SPECC1L: variants seen among roughly 807,000 people sequenced by gnomAD.
SPECC1L encodes the protein cytospin-A.
Under a neutral mutation model 116.8 loss-of-function variants are expected in SPECC1L, and 40 were observed. That is an observed-to-expected ratio of 0.34 (90% CI 0.27 to 0.45). SPECC1L has a LOEUF of 0.45. SPECC1L is among the 20% of genes least tolerant of loss of function. The pLI, the probability that SPECC1L is intolerant of heterozygous loss-of-function variation, is 1.00. For missense variants in SPECC1L, 1,110 were observed against 1,373.6 expected, an observed-to-expected ratio of 0.81 and a Z score of 3.03; for synonymous variants, 504 against 500.6, an observed-to-expected ratio of 1.01 and a Z score of -0.09.
intron 14 of SPECC1L, among the ~76,000 whole-genome samples, chr22:24,398,777 T>C (rs956247363): frequency 3.9e-5 from 6 of 152,114 alleles, no homozygotes; most frequent in Admixed American, 6.6e-5. Flanking sequence ...CCTCAAACAA[T>C]CCAGTTCCCC....
chr22:24,387,921 C>T (rs2042190872), intron 14 of SPECC1L, among the ~76,000 whole-genome samples: 1 of 152,110 alleles, frequency 6.6e-6, no homozygotes, highest in South Asian at 2.1e-4. Context: ...TGTTTCATGG[C>T]TTGTAGCCCC....
At chr22:24,366,421 C>T (rs1284467533) in intron 13 of SPECC1L, among the ~76,000 whole-genome samples, 5 of 152,122 alleles carry the variant, frequency 3.3e-5, no homozygotes, top group African/African-American at 1.2e-4. Context: ...TCTCGATCTC[C>T]TGACCTCGTG....
At chr22:24,345,705 T>A (rs1251408068) in intron 10 of SPECC1L, among the ~76,000 whole-genome samples, 2 of 152,172 alleles carry the variant, frequency 1.3e-5, no homozygotes, top group African/African-American at 4.8e-5. Flanking sequence ...AAATCCACAA[T>A]GAGATCCTAT....
At chr22:24,289,060 A>C (rs777290692) in intron 2 of SPECC1L, among the ~76,000 whole-genome samples, 2 of 152,244 alleles carry the variant, frequency 1.3e-5, no homozygotes, top group Non-Finnish European at 1.5e-5. Flanking sequence ...TTTTGAATTA[A>C]AACTATGGCT....
rs370466403 is a variant in SPECC1L, at chr22:24,315,730, GATGTC to G, written c.307+2267_307+2271del. ...TGTACGTTTATTTTATTTTGCTGGG[GATGTC>G]ATAACAAAATACCACAGACTGGATG... On this transcript the variant is annotated intron_variant, in intron 4 of 16. Coordinates refer to ENST00000314328, the MANE Select transcript of SPECC1L (RefSeq NM_015330.6). Among the ~76,000 whole-genome samples, 65 of 152,326 alleles carry G rather than the reference GATGTC, an allele frequency of 4.3e-4. 1 individual carries two copies. In the East Asian group the frequency reaches 0.01, roughly 24 times the overall value.
At chr22:24,373,319 C>A (rs1433757289) in intron 14 of SPECC1L, among the ~76,000 whole-genome samples, 1 of 152,198 alleles carries the variant, frequency 6.6e-6, no homozygotes, top group Non-Finnish European at 1.5e-5. Flanking sequence ...ATTGCCAAGT[C>A]AATCCTAAGC....
At chr22:24,273,479 T>C (rs2048770211) in intron 1 of SPECC1L, among the ~76,000 whole-genome samples, 1 of 152,218 alleles carries the variant, frequency 6.6e-6, no homozygotes, top group Non-Finnish European at 1.5e-5. Flanking sequence ...TGATATATGG[T>C]AAACGTAAAT....
intron 1 of SPECC1L, among the ~76,000 whole-genome samples, chr22:24,272,050 G>A (rs1889545627): frequency 6.6e-6 from 1 of 152,146 alleles, no homozygotes; most frequent in African/African-American, 2.4e-5. Flanking sequence ...TGCCAATGTA[G>A]GTGATACCAA....
intron 6 of SPECC1L, among the ~76,000 whole-genome samples, chr22:24,325,836 T>A (rs1818927931): frequency 6.6e-6 from 1 of 152,198 alleles, no homozygotes; most frequent in South Asian, 2.1e-4. Flanking sequence ...GTGTGTATTA[T>A]GTTTAACAGT....
intron 11 of SPECC1L, among the ~76,000 whole-genome samples, chr22:24,359,996 G>C (rs932775147): frequency 1.4e-4 from 22 of 152,256 alleles, no homozygotes; most frequent in African/African-American, 4.6e-4. Context: ...ATGAGAGCAA[G>C]TTTCCTGTCT....
chr22:24,396,169 A>G (rs1036806602), intron 14 of SPECC1L, among the ~76,000 whole-genome samples: 2 of 152,234 alleles, frequency 1.3e-5, no homozygotes, highest in Admixed American at 6.5e-5. Context: ...TTTTCTTTCA[A>G]TGCTCTAAAC....
chr22:24,272,186 GC>G (rs1180650074), intron 1 of SPECC1L, among the ~76,000 whole-genome samples: 1 of 152,184 alleles, frequency 6.6e-6, no homozygotes, highest in Non-Finnish European at 1.5e-5. Flanking sequence ...TTCAAGACCA[GC>G]CTGACCAACA....
intron 14 of SPECC1L, among the ~76,000 whole-genome samples, chr22:24,374,552 C>T (rs1397214043): frequency 7.0e-6 from 1 of 142,962 alleles, no homozygotes; most frequent in Non-Finnish European, 1.5e-5. Flanking sequence ...CATGTTCTCA[C>T]TCATAGGTGG....
intron 1 of SPECC1L, among the ~76,000 whole-genome samples, chr22:24,272,176 T>A (rs1248478063): frequency 6.6e-6 from 1 of 151,056 alleles, no homozygotes; most frequent in South Asian, 2.1e-4. Flanking sequence ...AAGTCAGGAG[T>A]TCAAGACCAG....
At chr22:24,399,009 A>T (rs1337247479) in intron 14 of SPECC1L, among the ~76,000 whole-genome samples, 3 of 152,204 alleles carry the variant, frequency 2.0e-5, no homozygotes. Flanking sequence ...AATCATTCCT[A>T]AGCTGCTAAT....
chr22:24,300,906 G>A (rs1349750378), intron 2 of SPECC1L, among the ~76,000 whole-genome samples: 6 of 152,112 alleles, frequency 3.9e-5, no homozygotes, highest in African/African-American at 1.4e-4. Context: ...GGAAAACTGG[G>A]TAGCTGTATG....
chr22:24,283,306 C>G (rs1425864123), intron 2 of SPECC1L, among the ~76,000 whole-genome samples: 1 of 149,730 alleles, frequency 6.7e-6, no homozygotes, highest in Admixed American at 6.6e-5. Context: ...TCTCGATCTC[C>G]TGACCTGGTG....
At chr22:24,373,673 T>C (rs573933620) in intron 14 of SPECC1L, among the ~76,000 whole-genome samples, 1 of 152,276 alleles carries the variant, frequency 6.6e-6, no homozygotes, top group South Asian at 2.1e-4. Context: ...ATAAAAACCC[T>C]AGAAGAAAAC....
In SPECC1L at chr22:24,396,295, G is replaced by GT. The variant is rs11287152; in HGVS notation, c.3088-15281dup. 2.7e-3 allele frequency among the ~76,000 whole-genome samples: 399 copies of GT among 148,272 alleles called. 1 individual carries two copies. The highest frequency in any genetic ancestry group is 3.7e-3 in the African/African-American group (152 of 40,680). On this transcript the variant is annotated intron_variant, in intron 14 of 16. Coordinates refer to ENST00000314328, the MANE Select transcript of SPECC1L (RefSeq NM_015330.6). ...CTTTGCCCTCAAAGAACTTTCTGTG[G>GT]TTTTTTTTTTTTGTTGTTGTTTTTT...
Sources: gnomAD v4.1 joint callset for allele counts (sites outside exome capture counted in the v4.1 genomes callset) on GRCh38, gnomAD v4.1.1 for gene constraint, MANE v1.5 for transcripts, NCBI Gene and HGNC (gene_info 2026-07-23, HGNC 2026-07-21) for gene names.